The following DLG2 variants were observed in gnomAD, a reference collection of about 807,000 sequenced individuals.
The protein encoded by DLG2 is disks large homolog 2.
DLG2 carries 45 observed loss-of-function variants against 132.5 expected under a neutral mutation model. That is an observed-to-expected ratio of 0.34 (90% CI 0.27 to 0.44). DLG2 has a LOEUF of 0.44. Among genes scored for constraint, DLG2 ranks in the 20% least tolerant of loss-of-function variants. The pLI, the probability that DLG2 is intolerant of heterozygous loss-of-function variation, is 1.00. For synonymous variants in DLG2, 424 were observed against 419.6 expected, an observed-to-expected ratio of 1.01 and a Z score of -0.13; for missense variants, 1,045 against 1,196.9, an observed-to-expected ratio of 0.87 and a Z score of 1.87.
intron 3 of DLG2, among the ~76,000 whole-genome samples, chr11:85,506,536 T>C (rs577771752): frequency 3.6e-4 from 54 of 149,960 alleles, no homozygotes; most frequent in Non-Finnish European, 5.7e-4. Flanking sequence ...TTTGAGTAAG[T>C]TTCTTAATCC....
chr11:83,816,769 T>G (rs747813864), intron 17 of DLG2, among the ~76,000 whole-genome samples: 2 of 152,220 alleles, frequency 1.3e-5, no homozygotes, highest in Non-Finnish European at 2.9e-5. Context: ...CAACGTTTGC[T>G]TTCATTGCCC....
intron 4 of DLG2, among the ~76,000 whole-genome samples, chr11:85,185,426 C>T (rs779946885): frequency 6.6e-6 from 1 of 151,920 alleles, no homozygotes; most frequent in Non-Finnish European, 1.5e-5. Context: ...TTTATGCACG[C>T]ACACTTTTCT....
intron 6 of DLG2, among the ~76,000 whole-genome samples, chr11:84,870,709 C>T (rs1373355708): frequency 1.3e-5 from 2 of 152,142 alleles, no homozygotes; most frequent in Non-Finnish European, 2.9e-5. Flanking sequence ...TTTACATATA[C>T]ACATACCTTC....
chr11:85,175,367 C>T (rs560934097), intron 4 of DLG2, among the ~76,000 whole-genome samples: 6 of 152,126 alleles, frequency 3.9e-5, no homozygotes, highest in South Asian at 4.2e-4. Context: ...AAAGAAACCA[C>T]GTGATTTTCT....
intron 14 of DLG2, among the ~76,000 whole-genome samples, chr11:83,947,267 T>A (rs552615041): frequency 9.9e-4 from 150 of 152,268 alleles, no homozygotes; most frequent in African/African-American, 3.5e-3. Flanking sequence ...AAATGAATAA[T>A]CAGTTTCTTT....
chr11:84,730,594 A>C (rs1263239552), intron 6 of DLG2, among the ~76,000 whole-genome samples: 2 of 152,062 alleles, frequency 1.3e-5, no homozygotes, highest in African/African-American at 4.8e-5. Context: ...TCAGAGTTCA[A>C]CTTTGAAAGC....
intron 10 of DLG2, among the ~76,000 whole-genome samples, chr11:84,075,622 G>A (rs1193314505): frequency 6.6e-6 from 1 of 152,110 alleles, no homozygotes; most frequent in Non-Finnish European, 1.5e-5. Context: ...CAAAGGTTGT[G>A]AGCAATTCTC....
chr11:84,308,387 T>A (rs768206447), intron 7 of DLG2, among the ~76,000 whole-genome samples: 3 of 152,124 alleles, frequency 2.0e-5, no homozygotes, highest in African/African-American at 4.8e-5. Flanking sequence ...TTTACAAAGC[T>A]TGAGCTAGAT....
chr11:85,302,165 C>T (rs143412975), intron 3 of DLG2, among the ~76,000 whole-genome samples: 23 of 152,296 alleles, frequency 1.5e-4, no homozygotes, highest in African/African-American at 4.8e-4. Flanking sequence ...TAGGTAACTA[C>T]AGTTTGTCAG....
chr11:85,365,324 G>A (rs1375216160), intron 3 of DLG2, among the ~76,000 whole-genome samples: 1 of 152,102 alleles, frequency 6.6e-6, no homozygotes, highest in Non-Finnish European at 1.5e-5. Context: ...TTATGAGTCT[G>A]ATATTTAAAT....
intron 7 of DLG2, among the ~76,000 whole-genome samples, chr11:84,532,740 C>T (rs1473265156): frequency 6.6e-6 from 1 of 152,160 alleles, no homozygotes; most frequent in Non-Finnish European, 1.5e-5. Flanking sequence ...CAGCGGTCCT[C>T]CCACCTCAGC....
At chr11:83,827,092 C>A (rs1595024473) in intron 17 of DLG2, among the ~76,000 whole-genome samples, 1 of 152,192 alleles carries the variant, frequency 6.6e-6, no homozygotes, top group East Asian at 1.9e-4. Context: ...AGAGGAACGG[C>A]ACGGCAGGTA....
intron 7 of DLG2, among the ~76,000 whole-genome samples, chr11:84,293,690 A>T (rs2098042740): frequency 1.3e-5 from 2 of 152,166 alleles, no homozygotes; most frequent in South Asian, 2.1e-4. Flanking sequence ...AAATAAATAA[A>T]TAAAAATAAA....
intron 6 of DLG2, among the ~76,000 whole-genome samples, chr11:84,784,342 A>AATTAATT (rs1565952882): frequency 3.4e-5 from 5 of 147,344 alleles, no homozygotes; most frequent in African/African-American, 1.2e-4. Flanking sequence ...ATAAATAAAT[A>AATTAATT]AATAAATAAA....
intron 27 of DLG2, 104 bp from the exon 28 acceptor site, chr11:83,460,028 A>G (rs1032022015): frequency 5.1e-6 from 3 of 585,284 alleles, no homozygotes; most frequent in Non-Finnish European, 9.1e-6. Context: ...CAGATGACTC[A>G]TCAGGAAGCT....
At chr11:84,874,506 G>C (rs1044472312) in intron 6 of DLG2, among the ~76,000 whole-genome samples, 1 of 152,150 alleles carries the variant, frequency 6.6e-6, no homozygotes, top group African/African-American at 2.4e-5. Context: ...TATCATTAAA[G>C]GTTATGAACT....
chr11:84,934,302 A>C lies in DLG2; in HGVS notation c.357+177359T>G, dbSNP rs932508254. Among the ~76,000 whole-genome samples the C allele has an allele frequency of 2.6e-5, 4 of 151,852 alleles. No homozygotes were observed. The East Asian group carries it at 7.7e-4, about 29-fold the overall frequency. On this transcript the variant is annotated intron_variant, in intron 6 of 27. Coordinates refer to ENST00000376104, the MANE Select transcript of DLG2 (RefSeq NM_001142699.3). ...TATTTTGTTGAAAATATTTGCATCA[A>C]TGTTCATCAAGAATATTGGCCTGAA... is the stretch of plus-strand genomic sequence containing the variant.
intron 6 of DLG2, among the ~76,000 whole-genome samples, chr11:84,657,327 T>A (rs1386212977): frequency 6.6e-6 from 1 of 152,130 alleles, no homozygotes; most frequent in Non-Finnish European, 1.5e-5. Flanking sequence ...TTTGATGGAA[T>A]GACTACAGAC....
At chr11:84,321,853 A>C (rs537027256) in intron 7 of DLG2, among the ~76,000 whole-genome samples, 1 of 152,206 alleles carries the variant, frequency 6.6e-6, no homozygotes, top group South Asian at 2.1e-4. Context: ...GCATATCATC[A>C]CCTCCTCAAG....
Sources: gnomAD v4.1 joint callset for allele counts (sites outside exome capture counted in the v4.1 genomes callset) on GRCh38, gnomAD v4.1.1 for gene constraint, MANE v1.5 for transcripts, NCBI Gene and HGNC (gene_info 2026-07-23, HGNC 2026-07-21) for gene names.